Variants in GLRX observed in about 807,000 individuals in gnomAD.
GLRX encodes glutaredoxin-1.
In GLRX, 9 loss-of-function variants were observed where a neutral mutation model predicts 11.1. The observed-to-expected ratio is 0.81, with a 90% CI of 0.49 to 1.42. The LOEUF (loss-of-function observed/expected upper bound fraction) is 1.42. GLRX is among the 40% of genes most tolerant of loss of function. The pLI is 0.00. For missense variants in GLRX, 102 were observed against 126.2 expected, an observed-to-expected ratio of 0.81 and a Z score of 0.92; for synonymous variants, 49 against 49.5, an observed-to-expected ratio of 0.99 and a Z score of 0.04.
rs745377701 is a variant in GLRX at position 95,822,572 on chromosome 5, C to T, written c.91G>A (p.Glu31Lys). 6.2e-6 allele frequency: 10 copies of T among 1,613,866 alleles called. No individual in the cohort carries two copies. The highest frequency in any genetic ancestry group is 8.5e-6 in the Non-Finnish European group (10 of 1,179,798). The change falls in exon 1 of 3, where the codon GAG becomes AAG. Residue 31 changes from glutamate (E) to lysine (K), a missense_variant. Physicochemically the swap from Glu to Lys is moderately conservative, Grantham distance 56. Coordinates refer to ENST00000237858, the MANE Select transcript of GLRX (RefSeq NM_001118890.2). ...PTCPYCRRAQEILSQLPIKQG... is the reference protein window; with the variant it reads ...PTCPYCRRAQKILSQLPIKQG... The stretch of plus-strand genomic sequence containing the variant: ...TTGATGGGCAATTGACTGAGGATCT[C>T]TTGGGCCCTCCTGCAGTACGGGCAG...
At chr5:95,819,857 C>T (rs1580447743) in intron 1 of GLRX, among the ~76,000 whole-genome samples, 1 of 132,608 alleles carries the variant, frequency 7.5e-6, no homozygotes, top group East Asian at 2.2e-4. Flanking sequence ...TGAGATTGCG[C>T]CATTGCACTC....
At chr5:95,816,692 C>A in intron 1 of GLRX, 66 bp from the exon 2 acceptor site, 3 of 845,582 alleles carry the variant, frequency 3.5e-6, no homozygotes. Context: ...TCTATCCTAC[C>A]ACTAAATATT....
At chr5:95,821,784 TGAG>T (rs1445790783) in intron 1 of GLRX, among the ~76,000 whole-genome samples, 1 of 152,162 alleles carries the variant, frequency 6.6e-6, no homozygotes, top group Non-Finnish European at 1.5e-5. Context: ...AATGGGACTC[TGAG>T]GTCACCTAAT....
rs1747007487 is a variant in GLRX at position 95,816,601 on chromosome 5, T to G, written c.233A>C (p.Asp78Ala). 1.9e-6 allele frequency: 3 copies of G among 1,603,628 alleles called. No homozygotes were observed. In the East Asian group the frequency reaches 6.7e-5, roughly 36 times the overall value. ...TAGATCACTGCATCCGCCTATACAATCTTTACCAATAAAGACTCGAGGCAC... is the reference window on the plus strand; with the variant it reads ...TAGATCACTGCATCCGCCTATACAAGCTTTACCAATAAAGACTCGAGGCAC... ...RTVPRVFIGKDCIGGCSDLVS... is the reference protein window; with the variant it reads ...RTVPRVFIGKACIGGCSDLVS... Residue 78 changes from aspartate to alanine, a missense_variant, in exon 2 of 3, where the codon GAT (aspartate) becomes GCT (alanine). By Grantham distance (126) the Asp-to-Ala change is moderately radical. Transcript: ENST00000237858.
chr5:95,819,870 G>GC (rs1323686907), intron 1 of GLRX, among the ~76,000 whole-genome samples: 1 of 127,606 alleles, frequency 7.8e-6, no homozygotes. Flanking sequence ...TTGCACTCCA[G>GC]CCTGGGCACA....
At chr5:95,820,067 A>G (rs1747168942) in intron 1 of GLRX, among the ~76,000 whole-genome samples, 1 of 151,754 alleles carries the variant, frequency 6.6e-6, no homozygotes, top group South Asian at 2.1e-4. Context: ...AAAATGAAAA[A>G]CAGGCTTGTT....
chr5:95,821,237 G>C (rs921099740), intron 1 of GLRX, among the ~76,000 whole-genome samples: 2 of 152,178 alleles, frequency 1.3e-5, no homozygotes, highest in African/African-American at 4.8e-5. Context: ...CAAAGTTTGG[G>C]AACCAATGGC....
intron 1 of GLRX, 81 bp downstream of exon 1, chr5:95,822,375 C>A: frequency 8.4e-7 from 1 of 1,196,964 alleles, no homozygotes; most frequent in Non-Finnish European, 1.2e-6. Context: ...GGAGCCGCAG[C>A]CTTATCCTAA....
chr5:95,816,737 ACCT>A (rs1167588597), intron 1 of GLRX, 111 bp from the exon 2 acceptor site: 1 of 676,578 alleles, frequency 1.5e-6, no homozygotes, highest in African/African-American at 1.8e-5. Context: ...TCACTTTAAA[ACCT>A]CCTTATGTAT....
At chr5:95,816,900 C>T (rs1747020162) in intron 1 of GLRX, 5 of 269,642 alleles carry the variant, frequency 1.9e-5, no homozygotes. Flanking sequence ...TCTACAGAAA[C>T]ATGTTTCAGA....
At chr5:95,816,996 T>C (rs1287865618) in intron 1 of GLRX, 4 of 173,522 alleles carry the variant, frequency 2.3e-5, no homozygotes, top group Non-Finnish European at 3.7e-5. Context: ...GATTGTAAAC[T>C]GGGTCACAGC....
chr5:95,817,027 G>A (rs1190837484), intron 1 of GLRX: 3 of 164,618 alleles, frequency 1.8e-5, no homozygotes, highest in South Asian at 1.4e-4. Context: ...GAAGGAGTTC[G>A]TTTCTAAATA....
At chr5:95,816,478 C>G in intron 2 of GLRX, 29 bp downstream of exon 2, 1 of 1,032,302 alleles carries the variant, frequency 9.7e-7, no homozygotes, top group Non-Finnish European at 1.5e-6. Context: ...CTCCCATGTT[C>G]CTGGCCCAGC....
chr5:95,816,903 G>T, intron 1 of GLRX: 1 of 258,608 alleles, frequency 3.9e-6, no homozygotes, highest in South Asian at 4.2e-5. Flanking sequence ...ACAGAAACAT[G>T]TTTCAGAAGG....
At chr5:95,814,658 G>A (rs1746918268) in intron 2 of GLRX, 1 of 152,390 alleles carries the variant, frequency 6.6e-6, no homozygotes, top group Admixed American at 6.5e-5. Flanking sequence ...GTAGAGACAT[G>A]CCGACACATG....
chr5:95,819,918 A>AAG (rs1747161757), intron 1 of GLRX, among the ~76,000 whole-genome samples: 1 of 149,084 alleles, frequency 6.7e-6, no homozygotes, highest in Non-Finnish European at 1.5e-5. Context: ...AAAAAAAAAA[A>AAG]AAAACCCTCG....
At chr5:95,819,682 G>A (rs918574477) in intron 1 of GLRX, among the ~76,000 whole-genome samples, 1 of 151,522 alleles carries the variant, frequency 6.6e-6, no homozygotes. Context: ...GGTGGATCAC[G>A]AGGTCAGGAG....
chr5:95,822,578 C>T lies in GLRX; in HGVS notation c.85G>A (p.Ala29Thr), dbSNP rs1747287796. The change falls in exon 1 of 3, where the codon GCC becomes ACC. Residue 29 changes from alanine to threonine, a missense_variant. Transcript: ENST00000237858. Reference protein sequence around the residue: ...IKPTCPYCRRAQEILSQLPIK... With the variant: ...IKPTCPYCRRTQEILSQLPIK... ...GGCAATTGACTGAGGATCTCTTGGG[C>T]CCTCCTGCAGTACGGGCAGGTGGGC... 1 of 1,613,798 alleles carries T rather than the reference C, an allele frequency of 6.2e-7. No homozygotes were observed. The highest frequency in any genetic ancestry group is 1.1e-5 in the South Asian group (1 of 91,078).
rs1747279509 is a variant in GLRX at position 95,822,484 on chromosome 5, T to C, written c.179A>G (p.Tyr60Cys). 1 of 1,613,838 alleles carries C rather than the reference T, an allele frequency of 6.2e-7. No homozygotes were observed. The highest frequency in any genetic ancestry group is 1.3e-5 in the African/African-American group (1 of 74,922). The change falls in exon 1 of 3, where the codon TAT becomes TGT. Residue 60 changes from tyrosine to cysteine, a missense_variant. Tyr to Cys is a radical substitution (Grantham distance 194, BLOSUM62 -2). Transcript: ENST00000237858. ...ATNHTNEIQD[Y>C]LQQLTGARTV... ...TCTTGCTCCCGTGAGCTGTTGCAAA[T>C]AATCTTGAATCTCGTTAGTGTGGTT... is the stretch of plus-strand genomic sequence containing the variant.
Sources: gnomAD v4.1 joint callset for allele counts (sites outside exome capture counted in the v4.1 genomes callset) on GRCh38, gnomAD v4.1.1 for gene constraint, MANE v1.5 for transcripts, NCBI Gene and HGNC (gene_info 2026-07-23, HGNC 2026-07-21) for gene names.